The following CLNK variants were observed in gnomAD, a reference collection of about 807,000 sequenced individuals.
The protein encoded by CLNK is cytokine-dependent hematopoietic cell linker.
Under a neutral mutation model 68.6 loss-of-function variants are expected in CLNK, and 74 were observed. The ratio of observed to expected loss-of-function variants is 1.08; its 90% confidence interval spans 0.89 to 1.31. The LOEUF (loss-of-function observed/expected upper bound fraction) is 1.31, where lower values mean the gene tolerates loss of function less well. CLNK is among the 50% of genes most tolerant of loss of function. The pLI is 0.00. For synonymous variants in CLNK, 198 were observed against 172.2 expected (o/e 1.15, Z -1.17); for missense variants, 553 against 515.3 (o/e 1.07, Z -0.71).
At chr4:10,713,847 T>C in the CLNK span, among the ~76,000 whole-genome samples, 1 of 152,196 alleles carries the variant, frequency 6.6e-6, no homozygotes, top group Admixed American at 6.5e-5. Flanking sequence ...AAGAATCATG[T>C]GCCAAATAGA....
chr4:10,670,101 T>C (rs1442461681), intron 1 of CLNK, among the ~76,000 whole-genome samples: 2 of 152,220 alleles, frequency 1.3e-5, no homozygotes, highest in African/African-American at 4.8e-5. Flanking sequence ...TTTTACAGCA[T>C]GTCTTAAGTG....
chr4:10,573,874 T>TC (rs989813546), intron 4 of CLNK, among the ~76,000 whole-genome samples: 7 of 152,000 alleles, frequency 4.6e-5, no homozygotes, highest in African/African-American at 1.5e-4. Context: ...CCCTCTCACC[T>TC]CCCCTTTGCT....
the CLNK span, among the ~76,000 whole-genome samples, chr4:10,695,797 T>C: frequency 2.6e-5 from 4 of 152,020 alleles, no homozygotes; most frequent in African/African-American, 9.6e-5. Flanking sequence ...ATTACCCCTA[T>C]AGAGCATTCA....
chr4:10,730,655 G>A, the CLNK span, among the ~76,000 whole-genome samples: 53,975 of 151,874 alleles, frequency 0.36, 11,366 homozygotes, highest in African/African-American at 0.6. Context: ...AGATCAAAGG[G>A]AAAAAACCCA....
intron 1 of CLNK, among the ~76,000 whole-genome samples, chr4:10,682,886 A>G (rs1413728582): frequency 6.6e-6 from 1 of 152,214 alleles, no homozygotes; most frequent in Non-Finnish European, 1.5e-5. Flanking sequence ...TAATGAGATT[A>G]TTAAAATACA....
chr4:10,615,653 C>A (rs903927912), intron 2 of CLNK, among the ~76,000 whole-genome samples: 1 of 152,190 alleles, frequency 6.6e-6, no homozygotes, highest in Non-Finnish European at 1.5e-5. Flanking sequence ...GATGAGGATG[C>A]GAGCTCATAG....
the CLNK span, among the ~76,000 whole-genome samples, chr4:10,699,384 T>A: frequency 5.5e-4 from 55 of 100,338 alleles, no homozygotes; most frequent in Non-Finnish European, 4.1e-5. Flanking sequence ...TTTGTGAGGA[T>A]TGGATATAAA....
chr4:10,572,249 A>C, intron 4 of CLNK, among the ~76,000 whole-genome samples: 1 of 152,250 alleles, frequency 6.6e-6, no homozygotes, highest in East Asian at 1.9e-4. Flanking sequence ...TTTTGAGGAC[A>C]GAAGTCATAG....
the CLNK span, among the ~76,000 whole-genome samples, chr4:10,724,947 CAGTGG>C: frequency 6.6e-6 from 1 of 152,054 alleles, no homozygotes; most frequent in Admixed American, 6.5e-5. Flanking sequence ...CCTAAGAGGG[CAGTGG>C]TGGAAGAACT....
At chr4:10,726,735 T>C in the CLNK span, among the ~76,000 whole-genome samples, 1 of 152,170 alleles carries the variant, frequency 6.6e-6, no homozygotes, top group South Asian at 2.1e-4. Context: ...TTTAGGGTAG[T>C]TTGAAGTGGG....
rs553965231 is a variant in CLNK, at chr4:10,490,284, A to T, written c.*183T>A. On this transcript the variant is annotated 3_prime_UTR_variant, in exon 19 of 19. Coordinates refer to ENST00000226951, the MANE Select transcript of CLNK (RefSeq NM_052964.4). ...TTTTTATTTTTTGCATGTTATAAATATTTTCTCTGTGGTTTGAACTTTCAA... is the reference window on the plus strand; with the variant it reads ...TTTTTATTTTTTGCATGTTATAAATTTTTTCTCTGTGGTTTGAACTTTCAA... 1 of 493,674 alleles carries T rather than the reference A, an allele frequency of 2.0e-6. No homozygotes were observed. Among genetic ancestry groups the T allele is most frequent in the South Asian group, 6.5e-5 (1 of 15,422 alleles). The allele number at this position is 493,674 out of a possible 1,614,324, so 30.6% of individuals were successfully genotyped here. A position where few individuals can be genotyped will look rare whatever the true frequency, so the allele number is the denominator to read the frequency against.
the CLNK span, among the ~76,000 whole-genome samples, chr4:10,709,109 T>C: frequency 6.6e-6 from 1 of 152,220 alleles, no homozygotes; most frequent in Non-Finnish European, 1.5e-5. Flanking sequence ...CAGATAGTGG[T>C]ATGGTATCAG....
chr4:10,581,292 G>A (rs1370425059), intron 4 of CLNK, among the ~76,000 whole-genome samples: 3 of 152,058 alleles, frequency 2.0e-5, no homozygotes, highest in Non-Finnish European at 4.4e-5. Flanking sequence ...CCATTAGTAT[G>A]TGACACATGA....
chr4:10,607,128 T>C (rs1721821040), intron 2 of CLNK, among the ~76,000 whole-genome samples: 1 of 152,220 alleles, frequency 6.6e-6, no homozygotes, highest in South Asian at 2.1e-4. Context: ...TAGTCCATTC[T>C]AGGCAACACT....
At position 10,487,721 on chromosome 4, in the gene CLNK, T is replaced by TG. The variant is rs1263045367; in HGVS notation, c.*2745dup. On this transcript the variant is annotated 3_prime_UTR_variant, in exon 19 of 19. Coordinates refer to ENST00000226951, the MANE Select transcript of CLNK (RefSeq NM_052964.4). The stretch of plus-strand genomic sequence containing the variant: ...CAGACATTACTGCCCAGCATAACAC[T>TG]GTCTCCTCTCTGGGCAAACTTTGCT... 6.6e-6 allele frequency: 1 copy of TG among 152,018 alleles called. No homozygotes were observed. The highest frequency in any genetic ancestry group is 1.5e-5 in the Non-Finnish European group (1 of 68,012). 9.4% of individuals were successfully genotyped at this position (152,018 alleles called of 1,614,324 possible).
At chr4:10,636,680 G>A (rs559971399) in intron 2 of CLNK, among the ~76,000 whole-genome samples, 5 of 152,262 alleles carry the variant, frequency 3.3e-5, no homozygotes, top group Admixed American at 6.5e-5. Flanking sequence ...CTCTCATACC[G>A]TGCACTTGGG....
At chr4:10,607,365 A>G (rs1324056269) in intron 2 of CLNK, among the ~76,000 whole-genome samples, 2 of 152,166 alleles carry the variant, frequency 1.3e-5, no homozygotes, top group East Asian at 3.8e-4. Context: ...CTTGTTATCT[A>G]TCATTTGGCC....
chr4:10,629,002 C>T (rs1368846354), intron 2 of CLNK, among the ~76,000 whole-genome samples: 5 of 152,172 alleles, frequency 3.3e-5, no homozygotes, highest in Non-Finnish European at 7.3e-5. Context: ...ATTGCCTGTT[C>T]TTTAAGGCTA....
chr4:10,623,979 T>C (rs1005975403), intron 2 of CLNK, among the ~76,000 whole-genome samples: 1 of 152,238 alleles, frequency 6.6e-6, no homozygotes, highest in Non-Finnish European at 1.5e-5. Context: ...AAGGTACGTG[T>C]TTAACGTGAA....
Sources: gnomAD v4.1 joint callset for allele counts (sites outside exome capture counted in the v4.1 genomes callset) on GRCh38, gnomAD v4.1.1 for gene constraint, MANE v1.5 for transcripts, NCBI Gene and HGNC (gene_info 2026-07-23, HGNC 2026-07-21) for gene names.